The following ZDHHC15 variants were observed in gnomAD, a reference collection of about 807,000 sequenced individuals.
ZDHHC15 encodes the protein zDHHC palmitoyltransferase 15.
In ZDHHC15, 19 loss-of-function variants were observed where a neutral mutation model predicts 31.7. The observed-to-expected ratio is 0.60, with a 90% CI of 0.42 to 0.88. The LOEUF is 0.88. ZDHHC15 is among the 40% of genes least tolerant of loss of function. The probability of loss-of-function intolerance (pLI) is 0.00; values close to 1 mark genes in which losing one functional copy is unlikely to be tolerated. For missense variants in ZDHHC15, 209 were observed against 251.2 expected (o/e 0.83, Z 1.14); for synonymous variants, 103 against 90.0 (o/e 1.14, Z -0.82).
At chrX:75,502,667 T>G (rs779115068) in intron 2 of ZDHHC15, among the ~76,000 whole-genome samples, 75 of 111,033 alleles carry the variant, frequency 6.8e-4, no homozygotes, top group Non-Finnish European at 2.5e-4. Flanking sequence ...ATATCATTCC[T>G]AAATTTATCT....
At chrX:75,458,135 C>G (rs886872255) in intron 3 of ZDHHC15, among the ~76,000 whole-genome samples, 2 of 112,154 alleles carry the variant, frequency 1.8e-5, no homozygotes, top group Admixed American at 1.9e-4. Context: ...TAACTAACAG[C>G]AATCAAAGGA....
At chrX:75,430,077 GTTCTAA>G in intron 5 of ZDHHC15, 97 bp from the exon 6 acceptor site, 3 of 929,919 alleles carry the variant, frequency 3.2e-6, no homozygotes. Context: ...TTTTTACATG[GTTCTAA>G]TAACACCCAT....
At chrX:75,459,717 C>T (rs777695929) in intron 3 of ZDHHC15, among the ~76,000 whole-genome samples, 3 of 111,933 alleles carry the variant, frequency 2.7e-5, no homozygotes, top group South Asian at 3.7e-4. Flanking sequence ...TGCAGTTCAG[C>T]GAACTCAGCC....
chrX:75,497,965 C>G (rs1046978706), intron 2 of ZDHHC15, among the ~76,000 whole-genome samples: 9 of 95,355 alleles, frequency 9.4e-5, no homozygotes, highest in African/African-American at 3.7e-4. Flanking sequence ...CAGTGTTTTG[C>G]TCTTGTTGCC....
At chrX:75,416,963 C>A in intron 10 of ZDHHC15, 124 bp downstream of exon 10, 1 of 496,073 alleles carries the variant, frequency 2.0e-6, no homozygotes, top group Non-Finnish European at 3.3e-6. Context: ...GCCATACTTG[C>A]TCTCCACCAT....
At chrX:75,376,556 T>G (rs2147747606) in intron 11 of ZDHHC15, among the ~76,000 whole-genome samples, 1 of 111,562 alleles carries the variant, frequency 9.0e-6, no homozygotes, top group Admixed American at 9.6e-5. Context: ...AAGTCTTTAA[T>G]CCATCTTGAG....
chrX:75,473,121 C>T (rs1017070174), intron 3 of ZDHHC15, among the ~76,000 whole-genome samples: 1 of 111,928 alleles, frequency 8.9e-6, no homozygotes, highest in Non-Finnish European at 1.9e-5. Context: ...CGGCTAAAGA[C>T]GTGAGGCAGT....
chrX:75,504,099 A>G (rs1452612766), intron 2 of ZDHHC15, among the ~76,000 whole-genome samples: 1 of 111,431 alleles, frequency 9.0e-6, no homozygotes, highest in African/African-American at 3.3e-5. Context: ...ATATCTGAAA[A>G]GACCATCTTT....
chrX:75,406,054 C>T (rs1054053146), intron 10 of ZDHHC15, among the ~76,000 whole-genome samples: 2 of 111,336 alleles, frequency 1.8e-5, no homozygotes. Context: ...TAAGATGAAC[C>T]CTGGAACCTG....
chrX:75,404,469 A>G (rs749675990), intron 10 of ZDHHC15, among the ~76,000 whole-genome samples: 1 of 112,274 alleles, frequency 8.9e-6, no homozygotes, highest in South Asian at 3.7e-4. Context: ...AATATTTGCA[A>G]GCTGTGCATC....
intron 9 of ZDHHC15, among the ~76,000 whole-genome samples, chrX:75,417,988 T>G (rs1468540895): frequency 2.7e-5 from 3 of 112,352 alleles, no homozygotes; most frequent in Non-Finnish European, 3.8e-5. Flanking sequence ...GATAGCACTC[T>G]AAAGAGAATG....
intron 8 of ZDHHC15, among the ~76,000 whole-genome samples, chrX:75,422,866 A>G (rs1004408883): frequency 1.8e-5 from 2 of 108,612 alleles, no homozygotes; most frequent in African/African-American, 6.7e-5. Context: ...CAGGTTAGTT[A>G]CATATGTATA....
rs546306352 is a variant in ZDHHC15, at chrX:75,412,129, C to T, written c.967+4958G>A. 6.4e-4 allele frequency among the ~76,000 whole-genome samples: 71 copies of T among 111,686 alleles called. 1 individual carries two copies. The South Asian group carries it at 7.5e-3, about 12-fold the overall frequency. ...TCTCAAAAAGTCAAAAGATAACTAA[C>T]GTTGGTGAGGATATGGAGAAAGGGA... On this transcript the variant is annotated intron_variant, in intron 10 of 11. Coordinates refer to ENST00000373367, the MANE Select transcript of ZDHHC15 (RefSeq NM_144969.3).
intron 1 of ZDHHC15, among the ~76,000 whole-genome samples, chrX:75,508,560 A>C (rs1336743911): frequency 1.8e-5 from 2 of 109,396 alleles, no homozygotes; most frequent in Non-Finnish European, 3.8e-5. Flanking sequence ...ATGGACATTT[A>C]GGTTGGTTGC....
chrX:75,445,394 AC>A (rs993430557), intron 4 of ZDHHC15, among the ~76,000 whole-genome samples: 2 of 111,977 alleles, frequency 1.8e-5, no homozygotes, highest in African/African-American at 6.5e-5. Flanking sequence ...CTCTTAGTCA[AC>A]CATTTATGAG....
chrX:75,493,344 T>C (rs1160466685), intron 2 of ZDHHC15, among the ~76,000 whole-genome samples: 1 of 111,936 alleles, frequency 8.9e-6, no homozygotes, highest in Non-Finnish European at 1.9e-5. Flanking sequence ...AGCCGAATTG[T>C]ACCAGAGGTA....
chrX:75,442,735 C>T (rs2083960920), intron 4 of ZDHHC15, among the ~76,000 whole-genome samples: 1 of 110,865 alleles, frequency 9.0e-6, no homozygotes, highest in African/African-American at 3.3e-5. Flanking sequence ...GCCTGTAATC[C>T]CAGCACTTTG....
At chrX:75,410,513 C>T (rs1475352849) in intron 10 of ZDHHC15, among the ~76,000 whole-genome samples, 4 of 112,134 alleles carry the variant, frequency 3.6e-5, no homozygotes, top group African/African-American at 1.3e-4. Flanking sequence ...CTCAACATCA[C>T]CAATCTTCAG....
At chrX:75,445,760 A>T (rs1271947667) in intron 4 of ZDHHC15, among the ~76,000 whole-genome samples, 1 of 111,522 alleles carries the variant, frequency 9.0e-6, no homozygotes, top group Non-Finnish European at 1.9e-5. Flanking sequence ...TAGGATGGGG[A>T]TGTGTGGGAA....
Sources: allele counts gnomAD v4.1 joint callset (sites outside exome capture counted in the v4.1 genomes callset), GRCh38; gene constraint gnomAD v4.1.1; transcripts MANE v1.5; gene names NCBI Gene and HGNC (gene_info 2026-07-23, HGNC 2026-07-21).